The following LRRK1 variants were observed in gnomAD, a reference collection of about 807,000 sequenced individuals.
LRRK1 encodes leucine rich repeat kinase 1.
In LRRK1, 113 loss-of-function variants were observed where a neutral mutation model predicts 209.1. The ratio of observed to expected loss-of-function variants is 0.54; its 90% CI spans 0.46 to 0.63. LRRK1 has a LOEUF of 0.63. Among genes scored for constraint, LRRK1 ranks in the 30% least tolerant of loss-of-function variants. The pLI is 0.00. For missense variants in LRRK1, 2,284 were observed against 2,632.2 expected (o/e 0.87, Z 2.89); for synonymous variants, 1,144 against 1,099.7 (o/e 1.04, Z -0.80).
chr15:101,027,443 A>ACTTC lies in LRRK1; in HGVS notation c.2526+64_2526+67dup. On this transcript the variant is annotated intron_variant, in intron 18 of 33. Transcript: ENST00000388948. The surrounding 1 kb of genome is among the most constrained non-coding windows in gnomAD (Gnocchi z 5.1). ...CTGCTTCCCATTGTTGGGGGTCCTCACTTCCCCCTCTCTCCTGTGAAGCCC... is the reference window on the plus strand; with the variant it reads ...CTGCTTCCCATTGTTGGGGGTCCTCACTTCCTTCCCCCTCTCTCCTGTGAAGCCC... 9 of 1,582,374 alleles carry ACTTC rather than the reference A, an allele frequency of 5.7e-6. No homozygotes were observed. Among genetic ancestry groups the ACTTC allele is most frequent in the Non-Finnish European group, 6.9e-6 (8 of 1,164,430 alleles).
intron 2 of LRRK1, among the ~76,000 whole-genome samples, chr15:100,968,271 CTA>C (rs1371818539): frequency 1.3e-5 from 2 of 152,150 alleles, no homozygotes; most frequent in Non-Finnish European, 2.9e-5. Flanking sequence ...GACACTTGGG[CTA>C]TTTACAGTTT....
At chr15:101,025,884 C>T (rs1332202841) in intron 16 of LRRK1, 81 bp from the exon 17 acceptor site, 9 of 1,493,540 alleles carry the variant, frequency 6.0e-6, no homozygotes, top group Non-Finnish European at 8.3e-6. Context: ...AGGGTCAGCG[C>T]ACCTGCACAG....
rs773728693 is a variant in LRRK1 at position 101,065,882 on chromosome 15, C to T, written c.5445C>T (p.Asp1815=). The T allele has an allele frequency of 6.2e-6, 10 of 1,614,162 alleles. No individual in the cohort carries two copies. Among genetic ancestry groups the T allele is most frequent in the Middle Eastern group, 3.3e-4 (2 of 6,062 alleles). The change falls in exon 32 of 34, where the codon GAC becomes GAT. Residue 1815 remains aspartate (D), a synonymous_variant. Transcript: ENST00000388948. ...TGCCTGAGGGGGACTCCATCGCGGA[C>T]GTGAGCATCATGTACAGTGAGGAGC... ...PKVPEGDSIA[D]VSIMYSEELG... is the part of the protein sequence containing the mutation.
At chr15:100,952,726 T>A (rs12442524) in intron 2 of LRRK1, among the ~76,000 whole-genome samples, 32,299 of 152,202 alleles carry the variant, frequency 0.21, 3,749 homozygotes, top group East Asian at 0.5. Flanking sequence ...GGCTTTCAGG[T>A]ACATCCACGT....
Position 101,065,435 on chromosome 15 carries a change from C to T in LRRK1, c.4998C>T (p.Cys1666=). Residue 1666 remains cysteine (C), a synonymous_variant, in exon 32 of 34, where the codon TGC becomes TGT. Coordinates refer to ENST00000388948, the MANE Select transcript of LRRK1 (RefSeq NM_024652.6). ...TGCGGGGCACCCCAAAGGACAGCTG[C>T]TCCTACCTGTGCTCACACACAGCCA... ...PVVRGTPKDS[C]SYLCSHTANR... The T allele has an allele frequency of 1.2e-6, 2 of 1,614,194 alleles. No individual in the cohort carries two copies. The highest frequency in any genetic ancestry group is 1.7e-6 in the Non-Finnish European group (2 of 1,180,044).
intron 2 of LRRK1, among the ~76,000 whole-genome samples, chr15:100,973,091 G>C (rs1266529926): frequency 6.6e-6 from 1 of 152,254 alleles, no homozygotes; most frequent in African/African-American, 2.4e-5. Flanking sequence ...CCTGCACCCA[G>C]CGAGGGCTCG....
intron 2 of LRRK1, among the ~76,000 whole-genome samples, chr15:100,947,048 CAACCT>C (rs2042552996): frequency 6.6e-6 from 1 of 152,132 alleles, no homozygotes; most frequent in African/African-American, 2.4e-5. Context: ...CAGCTCACTG[CAACCT>C]CCGCCTCCCA....
chr15:100,971,383 A>G (rs540985708), intron 2 of LRRK1, among the ~76,000 whole-genome samples: 4 of 151,920 alleles, frequency 2.6e-5, no homozygotes, highest in African/African-American at 7.2e-5. Flanking sequence ...GAAGAAGAAA[A>G]TCAATCCAAA....
At chr15:101,068,067 G>C (rs1022513584) in intron 33 of LRRK1, among the ~76,000 whole-genome samples, 1 of 152,212 alleles carries the variant, frequency 6.6e-6, no homozygotes. Flanking sequence ...CAATTAGTAT[G>C]TGCTTGGGGT....
chr15:101,042,814 C>G (rs553516959), intron 20 of LRRK1, among the ~76,000 whole-genome samples: 2 of 152,336 alleles, frequency 1.3e-5, no homozygotes, highest in East Asian at 3.9e-4. Context: ...TGGTTTTCAT[C>G]AAAACCAAGT....
At chr15:100,980,408 A>T (rs1278903319) in intron 3 of LRRK1, among the ~76,000 whole-genome samples, 1 of 152,162 alleles carries the variant, frequency 6.6e-6, no homozygotes, top group Non-Finnish European at 1.5e-5. Context: ...GGGGTTAGAG[A>T]TGGTGAAAAG....
chr15:100,922,199 T>C (rs2042032662), intron 1 of LRRK1, among the ~76,000 whole-genome samples: 1 of 152,198 alleles, frequency 6.6e-6, no homozygotes, highest in Non-Finnish European at 1.5e-5. Flanking sequence ...TGTTGGCACC[T>C]CTCTGGACCC....
chr15:101,024,714 G>C lies in LRRK1; in HGVS notation c.2068-89G>C, dbSNP rs2033942529. The C allele has an allele frequency of 7.2e-7, 1 of 1,381,130 alleles. No individual in the cohort carries two copies. The highest frequency in any genetic ancestry group is 1.4e-5 in the South Asian group (1 of 72,496). 85.6% of individuals were successfully genotyped at this position (1,381,130 alleles called of 1,614,324 possible). A position where few individuals can be genotyped will look rare whatever the true frequency, so the allele number is the denominator to read the frequency against. Reference sequence around the variant, plus strand: ...TTGTTTTTTCAGACCCCCGAGTCCAGCCTCCAGAGTTATCCGTTGTCTCCG... The same window carrying C: ...TTGTTTTTTCAGACCCCCGAGTCCACCCTCCAGAGTTATCCGTTGTCTCCG... On this transcript the variant is annotated intron_variant, in intron 15 of 33. Coordinates refer to ENST00000388948, the MANE Select transcript of LRRK1 (RefSeq NM_024652.6). This position sits in a 1 kb window ranked among gnomAD's most constrained non-coding sequence, Gnocchi z 4.6.
At chr15:101,025,031 C>A in intron 16 of LRRK1, 64 bp downstream of exon 16, 1 of 1,515,004 alleles carries the variant, frequency 6.6e-7, no homozygotes, top group Non-Finnish European at 9.0e-7. Flanking sequence ...CCCACCGCTT[C>A]CCTCAAGCAT....
chr15:100,926,680 C>CTTTTTTTT (rs71151990), intron 2 of LRRK1, among the ~76,000 whole-genome samples: 938 of 81,794 alleles, frequency 0.011, no homozygotes, highest in Non-Finnish European at 0.015. Context: ...TTCTTTTTTT[C>CTTTTTTTT]TTTTTTTTTT....
Position 101,056,939 on chromosome 15 carries a change from T to C in LRRK1, c.4416T>C (p.Ile1472=), listed in dbSNP as rs749647826. 2 of 1,614,176 alleles carry C rather than the reference T, an allele frequency of 1.2e-6. No individual in the cohort carries two copies. The highest frequency in any genetic ancestry group is 1.7e-6 in the Non-Finnish European group (2 of 1,180,026). ...RPALGHHQLQ[I]AKKLSKGIRP... ...CACTGGGCCACCACCAGCTCCAGAT[T>C]GCCAAGAAGCTGTCCAAGGGCATCC... Residue 1472 remains isoleucine, a synonymous_variant, in exon 28 of 34, where the codon ATT becomes ATC. Coordinates refer to ENST00000388948, the MANE Select transcript of LRRK1 (RefSeq NM_024652.6).
chr15:100,955,221 C>T (rs2042729275), intron 2 of LRRK1, among the ~76,000 whole-genome samples: 1 of 152,004 alleles, frequency 6.6e-6, no homozygotes, highest in African/African-American at 2.4e-5. Context: ...GATCTTTCTG[C>T]TTCTTGGTTA....
At position 101,073,795 on chromosome 15, in the gene LRRK1, T is replaced by C. The variant is rs1240274887; in HGVS notation, c.*4947T>C. The C allele has an allele frequency of 6.6e-6, 1 of 152,146 alleles. No homozygotes were observed. The highest frequency in any genetic ancestry group is 2.4e-5 in the African/African-American group (1 of 41,412). 9.4% of individuals were successfully genotyped at this position (152,146 alleles called of 1,614,324 possible). On this transcript the variant is annotated 3_prime_UTR_variant, in exon 34 of 34. Transcript: ENST00000388948. ...TTCTTTAAACTTGCCTCCTTCACTG[T>C]AGGCAACCTTCCACTCTCCATTCCT...
chr15:101,060,553 A>G (rs2036107860), intron 29 of LRRK1, among the ~76,000 whole-genome samples: 5 of 152,342 alleles, frequency 3.3e-5, no homozygotes, highest in Non-Finnish European at 1.5e-5. Flanking sequence ...CGAGCTTAAC[A>G]TATTCTCTTG....
Sources: allele counts gnomAD v4.1 joint callset (sites outside exome capture counted in the v4.1 genomes callset), GRCh38; gene constraint gnomAD v4.1.1; non-coding constraint Gnocchi (gnomAD v3.1); transcripts MANE v1.5; gene names NCBI Gene and HGNC (gene_info 2026-07-23, HGNC 2026-07-21).